SMURF2: variants seen among roughly 807,000 people sequenced by gnomAD.
SMURF2 encodes E3 ubiquitin-protein ligase SMURF2.
A neutral mutation model predicts 109.6 loss-of-function variants in SMURF2; 48 were observed. The ratio of observed to expected loss-of-function variants is 0.44; its 90% CI spans 0.35 to 0.56. The LOEUF (loss-of-function observed/expected upper bound fraction) is 0.56, where lower values mean the gene tolerates loss of function less well. Ranked by LOEUF, SMURF2 falls within the 20% of genes least tolerant of loss-of-function variation. SMURF2 has a pLI of 0.01. For synonymous variants in SMURF2, 288 were observed against 317.1 expected, an observed-to-expected ratio of 0.91 and a Z score of 0.97; for missense variants, 575 against 909.0, an observed-to-expected ratio of 0.63 and a Z score of 4.72.
chr17:64,627,488 AAC>A (rs1970283893), intron 1 of SMURF2, among the ~76,000 whole-genome samples: 1 of 152,190 alleles, frequency 6.6e-6, no homozygotes, highest in East Asian at 1.9e-4. Flanking sequence ...TGAGTTGAGA[AAC>A]AGATTAAAAC....
chr17:64,639,658 G>T (rs1970469034), intron 1 of SMURF2, among the ~76,000 whole-genome samples: 1 of 152,134 alleles, frequency 6.6e-6, no homozygotes, highest in Non-Finnish European at 1.5e-5. Flanking sequence ...TCTAATACCA[G>T]CTATACCATG....
At chr17:64,654,934 C>G (rs1970686107) in intron 1 of SMURF2, among the ~76,000 whole-genome samples, 1 of 151,932 alleles carries the variant, frequency 6.6e-6, no homozygotes. Flanking sequence ...ATCTTGGCCT[C>G]CCAAAGTGCT....
chr17:64,617,996 T>G (rs1414138176), intron 1 of SMURF2, among the ~76,000 whole-genome samples: 2 of 152,192 alleles, frequency 1.3e-5, no homozygotes, highest in Non-Finnish European at 2.9e-5. Flanking sequence ...AAATGCAGAT[T>G]TTAAAGAAAT....
intron 6 of SMURF2, among the ~76,000 whole-genome samples, chr17:64,584,730 GATA>G (rs1969629300): frequency 6.6e-6 from 1 of 152,116 alleles, no homozygotes; most frequent in Non-Finnish European, 1.5e-5. Context: ...ACAGAAATGT[GATA>G]ATGTTAATAT....
chr17:64,661,357 G>C (rs1357903303), intron 1 of SMURF2, among the ~76,000 whole-genome samples: 4 of 151,966 alleles, frequency 2.6e-5, no homozygotes, highest in Non-Finnish European at 5.9e-5. Context: ...GTGTGTGCAA[G>C]GTAACAACCC....
At chr17:64,564,159 G>T (rs1969268002) in intron 10 of SMURF2, among the ~76,000 whole-genome samples, 1 of 152,120 alleles carries the variant, frequency 6.6e-6, no homozygotes, top group Admixed American at 6.6e-5. Flanking sequence ...TACATACAAA[G>T]ACTTGCACAT....
intron 1 of SMURF2, among the ~76,000 whole-genome samples, chr17:64,619,141 C>T (rs558086629): frequency 1.4e-4 from 21 of 152,182 alleles, no homozygotes; most frequent in Admixed American, 2.6e-4. Flanking sequence ...TTACTCAACT[C>T]TAAAATTTCT....
Position 64,547,570 on chromosome 17 carries a change from G to T in SMURF2, c.2071+30C>A. 1.9e-6 allele frequency: 3 copies of T among 1,600,990 alleles called. No homozygotes were observed. The highest frequency in any genetic ancestry group is 2.6e-6 in the Non-Finnish European group (3 of 1,169,764). On this transcript the variant is annotated intron_variant, in intron 17 of 18. Transcript: ENST00000262435. The surrounding 1 kb of genome is among the most constrained non-coding windows in gnomAD (Gnocchi z 4.2). ...GCTGACAGCCCCGCCCCCACCCGCT[G>T]CCCAGCTTGCCTGCACCTCAGGCTG...
chr17:64,583,555 A>T lies in SMURF2; in HGVS notation c.486-11T>A. 2 of 1,606,832 alleles carry T rather than the reference A, an allele frequency of 1.2e-6. No homozygotes were observed. Among genetic ancestry groups the T allele is most frequent in the African/African-American group, 1.3e-5 (1 of 74,916 alleles). ...CTCCTTTCTTCCCAGCTTAAATAAA[A>T]ATATTGAGTGATAAGGCATTAATAG... On this transcript the variant is annotated splice_polypyrimidine_tract_variant and intron_variant, in intron 6 of 18. Coordinates refer to ENST00000262435, the MANE Select transcript of SMURF2 (RefSeq NM_022739.4).
intron 1 of SMURF2, among the ~76,000 whole-genome samples, chr17:64,607,808 T>C (rs1233945098): frequency 1.3e-5 from 2 of 151,226 alleles, no homozygotes; most frequent in South Asian, 2.1e-4. Flanking sequence ...GTGTCTCTAG[T>C]AAAAATACAA....
At position 64,556,003 on chromosome 17, in the gene SMURF2, A is replaced by AG. The variant is rs782752367; in HGVS notation, c.1432-6_1432-5insC. 1 of 1,606,186 alleles carries AG rather than the reference A, an allele frequency of 6.2e-7. No homozygotes were observed. Among genetic ancestry groups the AG allele is most frequent in the Non-Finnish European group, 8.5e-7 (1 of 1,175,048 alleles). On this transcript the variant is annotated splice_polypyrimidine_tract_variant and splice_region_variant and intron_variant, in intron 13 of 18. Transcript: ENST00000262435. The stretch of plus-strand genomic sequence containing the variant: ...GTGGAAATAGGATAAATGTTCCTGA[A>AG]ATTGAAAACAGTATATATACTCGTT...
intron 10 of SMURF2, among the ~76,000 whole-genome samples, chr17:64,565,011 T>A (rs1462897455): frequency 6.6e-6 from 1 of 152,224 alleles, no homozygotes; most frequent in African/African-American, 2.4e-5. Flanking sequence ...TCATGGTGTA[T>A]ATCAAAACTT....
chr17:64,566,561 G>GTTTGTTTTTTTTTTTTTTTTTTTT (rs1969305868), intron 10 of SMURF2, among the ~76,000 whole-genome samples: 1 of 43,784 alleles, frequency 2.3e-5, no homozygotes, highest in African/African-American at 7.5e-5. Flanking sequence ...AAGCTTTCTG[G>GTTTGTTTTTTTTTTTTTTTTTTTT]TTTTTTTTTT....
Position 64,605,744 on chromosome 17 carries a change from A to AATATATATATATATAT in SMURF2, c.91+842_91+857dup, listed in dbSNP as rs71158333. Among the ~76,000 whole-genome samples the AATATATATATATATAT allele has an allele frequency of 4.4e-3, 435 of 99,014 alleles. 5 individuals carry two copies. Among genetic ancestry groups the AATATATATATATATAT allele is most frequent in the African/African-American group, 5.7e-3 (142 of 24,924 alleles). 65.0% of individuals were successfully genotyped at this position (99,014 alleles called of 152,430 possible). ...AGGGCAAGATCCTGTCTCTAAAAAGAATATATATATATATATATATATATA... is the reference window on the plus strand; with the variant it reads ...AGGGCAAGATCCTGTCTCTAAAAAGAATATATATATATATATATATATATATATATATATATATATA... On this transcript the variant is annotated intron_variant, in intron 2 of 18. Coordinates refer to ENST00000262435, the MANE Select transcript of SMURF2 (RefSeq NM_022739.4).
At chr17:64,609,543 A>G (rs1029622716) in intron 1 of SMURF2, among the ~76,000 whole-genome samples, 2 of 152,230 alleles carry the variant, frequency 1.3e-5, no homozygotes, top group Non-Finnish European at 2.9e-5. Flanking sequence ...TATGTAATAA[A>G]TGGTGTTGGG....
chr17:64,559,462 T>C (rs376867766), intron 12 of SMURF2, among the ~76,000 whole-genome samples: 13 of 151,896 alleles, frequency 8.6e-5, no homozygotes, highest in African/African-American at 3.1e-4. Flanking sequence ...GGCGTGGTTG[T>C]ATGCGCCTGT....
At chr17:64,573,898 G>A (rs1969452144) in intron 9 of SMURF2, among the ~76,000 whole-genome samples, 1 of 152,172 alleles carries the variant, frequency 6.6e-6, no homozygotes, top group African/African-American at 2.4e-5. Context: ...AATATTGCAT[G>A]TTCTCACTTA....
chr17:64,606,655 AAC>A lies in SMURF2; in HGVS notation c.53-17_53-16del. On this transcript the variant is annotated splice_polypyrimidine_tract_variant and intron_variant, in intron 1 of 18. Coordinates refer to ENST00000262435, the MANE Select transcript of SMURF2 (RefSeq NM_022739.4). Reference sequence around the variant, plus strand: ...TGCACAGAGTACTGTAAAAAAAAAAAACAAAAAATACATGGGAAAAATTAAAA... The same window carrying A: ...TGCACAGAGTACTGTAAAAAAAAAAAAAAAAATACATGGGAAAAATTAAAA... The A allele has an allele frequency of 4.0e-6, 6 of 1,507,556 alleles. No individual in the cohort carries two copies. Among genetic ancestry groups the A allele is most frequent in the Non-Finnish European group, 4.5e-6 (5 of 1,116,784 alleles). The allele number at this position is 1,507,556 out of a possible 1,614,324, so 93.4% of individuals were successfully genotyped here.
intron 8 of SMURF2, 121 bp from the exon 9 acceptor site, chr17:64,578,697 T>A: frequency 3.1e-6 from 2 of 637,254 alleles, no homozygotes; most frequent in Admixed American, 3.2e-5. Flanking sequence ...CTATTTTATT[T>A]ATTATCAAAA....
Sources: gnomAD v4.1 joint callset for allele counts (sites outside exome capture counted in the v4.1 genomes callset) on GRCh38, gnomAD v4.1.1 for gene constraint, Gnocchi (gnomAD v3.1) non-coding constraint, MANE v1.5 for transcripts, NCBI Gene and HGNC (gene_info 2026-07-23, HGNC 2026-07-21) for gene names.